ST6GALNAC3: variants seen among roughly 807,000 people sequenced by gnomAD.
ST6GALNAC3 encodes the protein alpha-N-acetylgalactosaminide alpha-2,6-sialyltransferase 3.
In ST6GALNAC3, 25 loss-of-function variants were observed where a neutral mutation model predicts 32.7. The ratio of observed to expected loss-of-function variants is 0.76; its 90% CI spans 0.56 to 1.07. The LOEUF is 1.07. ST6GALNAC3 is among the 50% of genes least tolerant of loss of function. The pLI, the probability that ST6GALNAC3 is intolerant of heterozygous loss-of-function variation, is 0.00. For synonymous variants in ST6GALNAC3, 129 were observed against 133.1 expected (o/e 0.97, Z 0.21); for missense variants, 355 against 382.4 (o/e 0.93, Z 0.60).
intron 2 of ST6GALNAC3, among the ~76,000 whole-genome samples, chr1:76,394,976 A>G (rs72678021): frequency 0.019 from 2,829 of 150,006 alleles, 45 homozygotes; most frequent in South Asian, 0.085. Flanking sequence ...AGGTTTGTTT[A>G]CATTTTGGAT....
At chr1:76,403,520 T>C in intron 2 of ST6GALNAC3, among the ~76,000 whole-genome samples, 1 of 152,134 alleles carries the variant, frequency 6.6e-6, no homozygotes, top group East Asian at 1.9e-4. Flanking sequence ...AGGCATCTAT[T>C]GGAATCACAT....
At chr1:76,081,047 T>C (rs1007427695) in intron 1 of ST6GALNAC3, among the ~76,000 whole-genome samples, 69 of 152,182 alleles carry the variant, frequency 4.5e-4, no homozygotes, top group Non-Finnish European at 1.8e-4. Context: ...GCCAGAGTGC[T>C]CAGGCTGGCT....
chr1:76,174,848 A>G (rs1652751162), intron 1 of ST6GALNAC3, among the ~76,000 whole-genome samples: 1 of 151,752 alleles, frequency 6.6e-6, no homozygotes, highest in Non-Finnish European at 1.5e-5. Flanking sequence ...TTGTATTTTT[A>G]GTAGATACAA....
intron 2 of ST6GALNAC3, among the ~76,000 whole-genome samples, chr1:76,377,934 C>G (rs564237281): frequency 2.5e-4 from 38 of 152,252 alleles, no homozygotes; most frequent in African/African-American, 9.1e-4. Flanking sequence ...GGTGCCATTC[C>G]TCAGAATGAG....
chr1:76,226,082 G>A (rs143391289), intron 1 of ST6GALNAC3, among the ~76,000 whole-genome samples: 7 of 152,206 alleles, frequency 4.6e-5, no homozygotes, highest in East Asian at 1.9e-4. Flanking sequence ...TATGTTTTCC[G>A]TCCAGATAGA....
chr1:76,479,932 C>T (rs1261689039), intron 3 of ST6GALNAC3, among the ~76,000 whole-genome samples: 1 of 151,778 alleles, frequency 6.6e-6, no homozygotes. Context: ...AAATAAAAAG[C>T]AAATAATCTT....
intron 3 of ST6GALNAC3, among the ~76,000 whole-genome samples, chr1:76,442,828 C>T (rs1159793177): frequency 6.6e-6 from 1 of 152,176 alleles, no homozygotes; most frequent in Non-Finnish European, 1.5e-5. Context: ...ATTTAAGATT[C>T]AGAGATTTGA....
intron 1 of ST6GALNAC3, among the ~76,000 whole-genome samples, chr1:76,281,714 T>G (rs1293268405): frequency 6.6e-6 from 1 of 152,206 alleles, no homozygotes; most frequent in Non-Finnish European, 1.5e-5. Context: ...TTTCAAGTGT[T>G]TGGTCCTTGG....
At chr1:76,289,734 T>C (rs1659970783) in intron 1 of ST6GALNAC3, among the ~76,000 whole-genome samples, 1 of 152,170 alleles carries the variant, frequency 6.6e-6, no homozygotes, top group Non-Finnish European at 1.5e-5. Flanking sequence ...CCGTAACCAA[T>C]AGAGGGTTTA....
At chr1:76,280,476 G>A (rs760118379) in intron 1 of ST6GALNAC3, among the ~76,000 whole-genome samples, 18 of 152,010 alleles carry the variant, frequency 1.2e-4, no homozygotes, top group Admixed American at 2.0e-4. Context: ...CTAATGTGCC[G>A]CTAGGGAAGC....
chr1:76,424,302 G>A lies in ST6GALNAC3; in HGVS notation c.623+11885G>A, dbSNP rs543343574. ...ATTGGGAGAGAAGACCCTTCCAAAA[G>A]TGAACCATTGGCAGTTCTGTCATCT... On this transcript the variant is annotated intron_variant, in intron 3 of 4. Coordinates refer to ENST00000328299, the MANE Select transcript of ST6GALNAC3 (RefSeq NM_152996.4). Among the ~76,000 whole-genome samples, 5 of 151,930 alleles carry A rather than the reference G, an allele frequency of 3.3e-5. No individual in the cohort carries two copies. In the East Asian group the frequency reaches 9.7e-4, roughly 29 times the overall value.
chr1:76,521,563 C>A (rs1175113337), intron 3 of ST6GALNAC3, among the ~76,000 whole-genome samples: 1 of 151,964 alleles, frequency 6.6e-6, no homozygotes, highest in Non-Finnish European at 1.5e-5. Flanking sequence ...TTGTATTGCT[C>A]TTCATTTTTT....
rs112267684 is a variant in ST6GALNAC3 at position 76,554,863 on chromosome 1, C to G, written c.624-72589C>G. 8.3e-3 allele frequency among the ~76,000 whole-genome samples: 1,269 copies of G among 152,094 alleles called. 14 individuals are homozygous for G. Among genetic ancestry groups the G allele is most frequent in the African/African-American group, 0.029 (1,210 of 41,488 alleles). The stretch of plus-strand genomic sequence containing the variant: ...ATATTTCCTGAGCAGATAGTACATG[C>G]AAGACTTACTAAATGTTAAGTAAGT... On this transcript the variant is annotated intron_variant, in intron 3 of 4. Transcript: ENST00000328299.
Position 76,356,158 on chromosome 1 carries a change from T to C in ST6GALNAC3, c.213+42159T>C, listed in dbSNP as rs576638235. Among the ~76,000 whole-genome samples, 10 of 152,262 alleles carry C rather than the reference T, an allele frequency of 6.6e-5. No individual in the cohort carries two copies. In the South Asian group the frequency reaches 1.9e-3, roughly 28 times the overall value. Reference sequence around the variant, plus strand: ...TGAAAACTTGAATCATCTTTGATTTTCCTCTCTCCCCTTTCCAAACATTTA... The same window carrying C: ...TGAAAACTTGAATCATCTTTGATTTCCCTCTCTCCCCTTTCCAAACATTTA... On this transcript the variant is annotated intron_variant, in intron 2 of 4. Coordinates refer to ENST00000328299, the MANE Select transcript of ST6GALNAC3 (RefSeq NM_152996.4).
intron 3 of ST6GALNAC3, among the ~76,000 whole-genome samples, chr1:76,477,498 A>G (rs1408464974): frequency 1.3e-5 from 2 of 152,160 alleles, no homozygotes; most frequent in Non-Finnish European, 1.5e-5. Context: ...CTTTGCTCCC[A>G]TCACCCTAAG....
rs1381598353 is a variant in ST6GALNAC3 at position 76,615,859 on chromosome 1, G to A, written c.624-11593G>A. On this transcript the variant is annotated intron_variant, in intron 3 of 4. Coordinates refer to ENST00000328299, the MANE Select transcript of ST6GALNAC3 (RefSeq NM_152996.4). The stretch of plus-strand genomic sequence containing the variant: ...GGAAGAATTCCAGAGACATGTGAAA[G>A]TTATCTGTCCTGCTTGAGGGAAAGA... 4.6e-5 allele frequency among the ~76,000 whole-genome samples: 7 copies of A among 152,176 alleles called. No individual in the cohort carries two copies. The East Asian group carries it at 5.8e-4, about 13-fold the overall frequency.
chr1:76,172,402 G>A (rs141727213), intron 1 of ST6GALNAC3, among the ~76,000 whole-genome samples: 2 of 152,136 alleles, frequency 1.3e-5, no homozygotes, highest in East Asian at 3.8e-4. Flanking sequence ...GCAAAAGCTG[G>A]AAGCATTCCC....
intron 3 of ST6GALNAC3, among the ~76,000 whole-genome samples, chr1:76,426,904 G>A (rs1655433125): frequency 6.6e-6 from 1 of 151,990 alleles, no homozygotes; most frequent in African/African-American, 2.4e-5. Context: ...AAATGTCACT[G>A]TGTGGCACAT....
At chr1:76,488,284 T>G (rs930165164) in intron 3 of ST6GALNAC3, among the ~76,000 whole-genome samples, 3 of 152,056 alleles carry the variant, frequency 2.0e-5, no homozygotes, top group Non-Finnish European at 2.9e-5. Context: ...CCCCACTCTC[T>G]CTCATTTGCT....
Sources: allele counts gnomAD v4.1 joint callset (sites outside exome capture counted in the v4.1 genomes callset), GRCh38; gene constraint gnomAD v4.1.1; transcripts MANE v1.5; gene names NCBI Gene and HGNC (gene_info 2026-07-23, HGNC 2026-07-21).